ADGRB3: variants seen among roughly 807,000 people sequenced by gnomAD.
The protein encoded by ADGRB3 is brain-specific angiogenesis inhibitor 3.
A neutral mutation model predicts 193.4 loss-of-function variants in ADGRB3; 37 were observed. The observed-to-expected ratio is 0.19, with a 90% CI of 0.15 to 0.25. ADGRB3 has a LOEUF of 0.25. Among genes scored for constraint, ADGRB3 ranks in the 10% least tolerant of loss-of-function variants. The pLI is 1.00. For synonymous variants in ADGRB3, 690 were observed against 644.2 expected (o/e 1.07, Z -1.08); for missense variants, 1,637 against 1,852.9 (o/e 0.88, Z 2.14).
chr6:68,805,549 CT>C (rs1767386469), intron 3 of ADGRB3, among the ~76,000 whole-genome samples: 1 of 152,148 alleles, frequency 6.6e-6, no homozygotes, highest in African/African-American at 2.4e-5. Flanking sequence ...AAAGGAAATT[CT>C]GGTATTCTTC....
chr6:69,043,324 G>GAAAGAAAGAAAGAAAGAA (rs2150299803), intron 13 of ADGRB3, among the ~76,000 whole-genome samples: 1 of 149,522 alleles, frequency 6.7e-6, no homozygotes, highest in East Asian at 1.9e-4. Flanking sequence ...AAGAAAGAAA[G>GAAAGAAAGAAAGAAAGAA]AAAGAAAGAG....
intron 13 of ADGRB3, among the ~76,000 whole-genome samples, chr6:69,031,780 A>G (rs1770717544): frequency 6.6e-6 from 1 of 151,448 alleles, no homozygotes; most frequent in South Asian, 2.1e-4. Flanking sequence ...GACTACAGTC[A>G]TGCGCCACCA....
At chr6:68,691,638 T>C (rs1241073650) in intron 3 of ADGRB3, among the ~76,000 whole-genome samples, 1 of 152,004 alleles carries the variant, frequency 6.6e-6, no homozygotes, top group East Asian at 1.9e-4. Flanking sequence ...TTAAGGATAA[T>C]ATATTATTTA....
At chr6:68,913,690 G>A (rs537354376) in intron 3 of ADGRB3, among the ~76,000 whole-genome samples, 6 of 152,330 alleles carry the variant, frequency 3.9e-5, no homozygotes, top group South Asian at 2.1e-4. Flanking sequence ...AAAGCTGGAC[G>A]GAAAATGACT....
rs1001180827 is a variant in ADGRB3, at chr6:68,638,934, G to A, written c.259G>A (p.Ala87Thr). ...TAGCTGCTCTAACTTTTCACTCCTGGCTTATCAGTTTGATCATTTTTCCCA... is the reference window on the plus strand; with the variant it reads ...TAGCTGCTCTAACTTTTCACTCCTGACTTATCAGTTTGATCATTTTTCCCA... ...DLSCSNFSLL[A>T]YQFDHFSHEK... Residue 87 changes from alanine (A) to threonine (T), a missense_variant, in exon 3 of 32, where the codon GCT becomes ACT. Coordinates refer to ENST00000370598, the MANE Select transcript of ADGRB3 (RefSeq NM_001704.3). 4 of 1,613,886 alleles carry A rather than the reference G, an allele frequency of 2.5e-6. No individual in the cohort carries two copies. The highest frequency in any genetic ancestry group is 1.7e-5 in the Admixed American group (1 of 59,992).
intron 3 of ADGRB3, among the ~76,000 whole-genome samples, chr6:68,919,690 G>A (rs906119234): frequency 2.0e-5 from 3 of 152,202 alleles, no homozygotes; most frequent in African/African-American, 7.2e-5. Flanking sequence ...TTTCAAGAAC[G>A]GTTGTGGGAT....
At chr6:69,124,509 A>T (rs764198466) in intron 17 of ADGRB3, among the ~76,000 whole-genome samples, 1 of 152,192 alleles carries the variant, frequency 6.6e-6, no homozygotes, top group East Asian at 1.9e-4. Flanking sequence ...GAAAACAAGG[A>T]TAACATTAAT....
chr6:69,160,281 G>A (rs1774947558), intron 17 of ADGRB3, among the ~76,000 whole-genome samples: 1 of 152,008 alleles, frequency 6.6e-6, no homozygotes, highest in African/African-American at 2.4e-5. Flanking sequence ...GGATTACAAG[G>A]TCCTTCTTGA....
chr6:69,194,093 C>A (rs566971660), intron 17 of ADGRB3, among the ~76,000 whole-genome samples: 5 of 152,140 alleles, frequency 3.3e-5, no homozygotes, highest in African/African-American at 1.2e-4. Flanking sequence ...GAATTTTCCT[C>A]TCTTATTTCT....
chr6:69,033,610 T>C (rs1028315015), intron 13 of ADGRB3, among the ~76,000 whole-genome samples: 18 of 152,182 alleles, frequency 1.2e-4, no homozygotes, highest in Non-Finnish European at 2.2e-4. Context: ...TTAGCATATT[T>C]TTTTAATTTG....
intron 30 of ADGRB3, among the ~76,000 whole-genome samples, chr6:69,382,098 A>G (rs1769960187): frequency 6.6e-6 from 1 of 151,846 alleles, no homozygotes; most frequent in Non-Finnish European, 1.5e-5. Flanking sequence ...AGTTATGGTG[A>G]AGTTGAGAGA....
chr6:68,923,777 T>G (rs149570789), intron 3 of ADGRB3, among the ~76,000 whole-genome samples: 1 of 152,038 alleles, frequency 6.6e-6, no homozygotes, highest in Non-Finnish European at 1.5e-5. Context: ...AGTGTGCATG[T>G]CAGAAAGTTT....
rs577624672 is a variant in ADGRB3 at position 69,272,116 on chromosome 6, C to T, written c.2814+32890C>T. ...TGCAGATTCACACATGCACACGCTG[C>T]ACCCACACATACCTCCTGGACAATT... On this transcript the variant is annotated intron_variant, in intron 20 of 31. Transcript: ENST00000370598. 1.0e-3 allele frequency among the ~76,000 whole-genome samples: 157 copies of T among 152,312 alleles called. 4 individuals are homozygous for T. In the South Asian group the frequency reaches 0.033, roughly 32 times the overall value.
intron 16 of ADGRB3, among the ~76,000 whole-genome samples, chr6:69,075,225 A>G (rs1427771170): frequency 6.6e-6 from 1 of 152,172 alleles, no homozygotes; most frequent in African/African-American, 2.4e-5. Context: ...GGAGGATGAG[A>G]GAACTTGAAA....
chr6:68,966,666 G>C (rs955947760), intron 8 of ADGRB3, among the ~76,000 whole-genome samples: 1 of 152,116 alleles, frequency 6.6e-6, no homozygotes, highest in African/African-American at 2.4e-5. Flanking sequence ...AGCAGCCAGG[G>C]CTTCTCAGCT....
At chr6:68,918,936 T>C (rs1766952698) in intron 3 of ADGRB3, among the ~76,000 whole-genome samples, 2 of 152,154 alleles carry the variant, frequency 1.3e-5, no homozygotes, top group African/African-American at 4.8e-5. Context: ...CTATTATTAA[T>C]AATTTATTTT....
chr6:69,169,204 C>T (rs1380490205), intron 17 of ADGRB3, among the ~76,000 whole-genome samples: 3 of 151,970 alleles, frequency 2.0e-5, no homozygotes, highest in African/African-American at 7.2e-5. Flanking sequence ...GAAACAAATG[C>T]CCACTTGTTA....
chr6:68,798,355 G>A (rs1767249829), intron 3 of ADGRB3, among the ~76,000 whole-genome samples: 1 of 152,136 alleles, frequency 6.6e-6, no homozygotes, highest in Non-Finnish European at 1.5e-5. Flanking sequence ...GAGTTATCAG[G>A]TTAGTAGGGG....
intron 13 of ADGRB3, among the ~76,000 whole-genome samples, chr6:69,043,290 G>GGGAAAGAAAGAA (rs1771128633): frequency 1.1e-5 from 1 of 88,032 alleles, no homozygotes; most frequent in Admixed American, 1.1e-4. Context: ...GGAAGAAAGA[G>GGGAAAGAAAGAA]AGAAAGAAAG....
Sources: allele counts gnomAD v4.1 joint callset (sites outside exome capture counted in the v4.1 genomes callset), GRCh38; gene constraint gnomAD v4.1.1; transcripts MANE v1.5; gene names NCBI Gene and HGNC (gene_info 2026-07-23, HGNC 2026-07-21).